The following FAM83G variants were observed in gnomAD, a reference collection of about 807,000 sequenced individuals.
The protein encoded by FAM83G is protein FAM83G.
Under a neutral mutation model 61.5 loss-of-function variants are expected in FAM83G, and 38 were observed. The observed-to-expected ratio is 0.62, with a 90% CI of 0.48 to 0.81. The LOEUF (loss-of-function observed/expected upper bound fraction) is 0.81, where lower values mean the gene tolerates loss of function less well. FAM83G is among the 30% of genes least tolerant of loss of function. The pLI is 0.00. For synonymous variants in FAM83G, 470 were observed against 476.1 expected (o/e 0.99, Z 0.17); for missense variants, 989 against 1,133.6 (o/e 0.87, Z 1.83).
In FAM83G at chr17:18,971,035, C is replaced by G. The variant is rs746717664; in HGVS notation, c.*324G>C. The G allele has an allele frequency of 2.5e-6, 4 of 1,613,944 alleles. No individual in the cohort carries two copies. The East Asian group carries it at 6.7e-5, about 27-fold the overall frequency. The stretch of plus-strand genomic sequence containing the variant: ...CAGCTTTTGACCAGATCGGTGGTTA[C>G]GGGCAGCTGGAGGCAGCCTACGCCC... On this transcript the variant is annotated 3_prime_UTR_variant, in exon 6 of 6. Coordinates refer to ENST00000388995, the MANE Select transcript of FAM83G (RefSeq NM_001039999.3). The surrounding 1 kb of genome is among the most constrained non-coding windows in gnomAD (Gnocchi z 5.5).
Position 18,977,846 on chromosome 17 carries a change from CG to C in FAM83G, c.1819del (p.Arg607AspfsTer16). On this transcript the variant is annotated frameshift_variant, in exon 5 of 6. Transcript: ENST00000388995. LOFTEE classifies it high-confidence loss of function. ...CACAGAGGAAGCCACTGAGGGCCGT[CG>C]GGGGCCAGGGCCACGGCCGGAGCTG... The part of the protein sequence containing the change: ...SGSSGRGPGP[R>X]RPSVASSVSE... The C allele has an allele frequency of 1.2e-6, 2 of 1,610,830 alleles. No individual in the cohort carries two copies. The highest frequency in any genetic ancestry group is 1.7e-6 in the Non-Finnish European group (2 of 1,179,354).
At chr17:18,972,233 G>A (rs2152002895) in intron 5 of FAM83G, among the ~76,000 whole-genome samples, 1 of 152,270 alleles carries the variant, frequency 6.6e-6, no homozygotes, top group Non-Finnish European at 1.5e-5. Flanking sequence ...GGAGCATGGG[G>A]GTGGGAAAAG....
chr17:18,976,956 A>T (rs1314416622), intron 5 of FAM83G: 6 of 1,612,976 alleles, frequency 3.7e-6, no homozygotes, highest in Non-Finnish European at 5.1e-6. Flanking sequence ...CCTGATCATC[A>T]TGCCGGGCAT....
At chr17:18,990,174 AG>A (rs916749978) in intron 2 of FAM83G, among the ~76,000 whole-genome samples, 3 of 152,180 alleles carry the variant, frequency 2.0e-5, no homozygotes, top group Non-Finnish European at 2.9e-5. Flanking sequence ...GGGCTGCCCA[AG>A]GTTAAACAGG....
intron 2 of FAM83G, among the ~76,000 whole-genome samples, chr17:18,992,065 C>T (rs2043439898): frequency 6.6e-6 from 1 of 152,150 alleles, no homozygotes; most frequent in African/African-American, 2.4e-5. Flanking sequence ...TGCCCCAGCC[C>T]AGGCCTCTCC....
chr17:19,004,709 C>A lies in FAM83G; in HGVS notation c.-129G>T. On this transcript the variant is annotated splice_region_variant and 5_prime_UTR_variant, in exon 1 of 6. Transcript: ENST00000388995. The surrounding 1 kb of genome is among the most constrained non-coding windows in gnomAD (Gnocchi z 5.4). ...GGGGGCGCGGCCGGGACTTGCTTAC[C>A]GAGCGGGCGCTGGCGGAGCGGGGCG... The A allele has an allele frequency of 6.6e-6, 1 of 151,510 alleles. No individual in the cohort carries two copies. The highest frequency in any genetic ancestry group is 1.9e-4 in the South Asian group (1 of 5,254). 9.4% of individuals were successfully genotyped at this position (151,510 alleles called of 1,614,324 possible).
At chr17:18,977,192 C>T (rs2043001928) in intron 5 of FAM83G, 2 of 685,798 alleles carry the variant, frequency 2.9e-6, no homozygotes, top group Non-Finnish European at 2.4e-6. Context: ...ACAGGTATCA[C>T]TTACTGCTGT....
chr17:18,969,063 C>T lies in FAM83G; in HGVS notation c.*2296G>A, dbSNP rs113107005. The T allele has an allele frequency of 2.7e-5, 43 of 1,613,634 alleles. No individual in the cohort carries two copies. The highest frequency in any genetic ancestry group is 1.7e-4 in the Middle Eastern group (1 of 6,050). ...CTCTCCCTCCGCAGCTGGACCTGTA[C>T]GCGGGGGCTCTGTTTGTGCACATCT... On this transcript the variant is annotated 3_prime_UTR_variant, in exon 6 of 6. Transcript: ENST00000388995.
At chr17:19,002,113 C>A (rs910637782) in intron 2 of FAM83G, among the ~76,000 whole-genome samples, 1 of 148,694 alleles carries the variant, frequency 6.7e-6, no homozygotes, top group African/African-American at 2.5e-5. Context: ...GTCCCTTCCT[C>A]CTCCCCCTCC....
chr17:18,975,134 C>T (rs1465326219), intron 5 of FAM83G, among the ~76,000 whole-genome samples: 1 of 152,214 alleles, frequency 6.6e-6, no homozygotes, highest in East Asian at 1.9e-4. Flanking sequence ...AAATGCTTCT[C>T]TCCCAAGCAC....
In FAM83G at chr17:18,988,316, C is replaced by T; in HGVS notation, c.621G>A (p.Val207=). ...GGAAGTACTTGACGTTACTCTCATC[C>T]ACGATGATGTACACGGCCACTTTCC... ...FKRKVAVYII[V]DESNVKYFLH... Residue 207 remains valine (V), a synonymous_variant, in exon 3 of 6, where the codon GTG becomes GTA. Transcript: ENST00000388995. 6.2e-7 allele frequency: 1 copy of T among 1,614,238 alleles called. No individual in the cohort carries two copies. Among genetic ancestry groups the T allele is most frequent in the East Asian group, 2.2e-5 (1 of 44,892 alleles).
chr17:18,983,144 G>C (rs1264535491), intron 3 of FAM83G, among the ~76,000 whole-genome samples: 1 of 152,240 alleles, frequency 6.6e-6, no homozygotes, highest in Non-Finnish European at 1.5e-5. Context: ...GGTAGGGAAA[G>C]TGACCTGCCC....
chr17:18,997,303 G>A (rs561829034), intron 2 of FAM83G, among the ~76,000 whole-genome samples: 55 of 152,324 alleles, frequency 3.6e-4, no homozygotes, highest in African/African-American at 1.3e-3. Context: ...CAAAGACAAG[G>A]GGCTGGCAGA....
At chr17:18,979,492 G>C in intron 4 of FAM83G, 57 bp downstream of exon 4, 1 of 1,598,728 alleles carries the variant, frequency 6.3e-7, no homozygotes, top group Admixed American at 1.7e-5. Context: ...AAGGGCAGAA[G>C]CCAGTTGGGA....
chr17:18,983,158 G>A (rs1353137392), intron 3 of FAM83G, among the ~76,000 whole-genome samples: 2 of 152,238 alleles, frequency 1.3e-5, no homozygotes, highest in African/African-American at 2.4e-5. Flanking sequence ...CCTGCCCACT[G>A]TCTCCCAGTA....
At chr17:18,986,887 T>C (rs542791483) in intron 3 of FAM83G, among the ~76,000 whole-genome samples, 3 of 152,364 alleles carry the variant, frequency 2.0e-5, no homozygotes, top group Admixed American at 2.0e-4. Context: ...ACACTGGCTC[T>C]CTCAGGCATG....
Position 19,003,583 on chromosome 17 carries a change from G to T in FAM83G, c.459C>A (p.Pro153=). The T allele has an allele frequency of 6.2e-7, 1 of 1,600,442 alleles. No individual in the cohort carries two copies. Among genetic ancestry groups the T allele is most frequent in the Non-Finnish European group, 8.5e-7 (1 of 1,173,346 alleles). The change falls in exon 2 of 6, where the codon CCC becomes CCA. Residue 153 remains proline (P), a synonymous_variant. Transcript: ENST00000388995. The surrounding 1 kb of genome is among the most constrained non-coding windows in gnomAD (Gnocchi z 4.5). ...GVTRASVYMQ[P]PIDGQAHIKE... is the part of the protein sequence containing the mutation. ...TGATGTGGGCCTGCCCGTCTATGGG[G>T]GGCTGCATGTAGACGCTAGCCCGGG...
At chr17:18,973,435 G>A (rs2152004110) in intron 5 of FAM83G, among the ~76,000 whole-genome samples, 1 of 152,364 alleles carries the variant, frequency 6.6e-6, no homozygotes, top group South Asian at 2.1e-4. Flanking sequence ...CAGCATTGGA[G>A]CTGTAGCCTG....
Position 18,977,586 on chromosome 17 carries a change from G to A in FAM83G, c.2080C>T (p.Gln694Ter), listed in dbSNP as rs779285096. ...GGTGTGCAGGGACCCTGACCCACCT[G>A]TGCCTCCTTGTCTGTGGAGCGCTGG... ...QAQRSTDKEAQGQQFHHHRVP... is the reference protein window; with the variant it reads ...QAQRSTDKEA Residue 694 changes from glutamine to a stop codon, truncating the protein, a stop_gained and splice_region_variant, in exon 5 of 6, where the codon CAG becomes TAG. Transcript: ENST00000388995. LOFTEE classifies it high-confidence loss of function. 7 of 1,607,326 alleles carry A rather than the reference G, an allele frequency of 4.4e-6. No individual in the cohort carries two copies. Among genetic ancestry groups the A allele is most frequent in the Non-Finnish European group, 5.9e-6 (7 of 1,179,448 alleles).
Sources: allele counts gnomAD v4.1 joint callset (sites outside exome capture counted in the v4.1 genomes callset), GRCh38; gene constraint gnomAD v4.1.1; non-coding constraint Gnocchi (gnomAD v3.1); transcripts MANE v1.5; gene names NCBI Gene and HGNC (gene_info 2026-07-23, HGNC 2026-07-21).